TRANK1: variants seen among roughly 807,000 people sequenced by gnomAD.
TRANK1 encodes the protein tetratricopeptide repeat and ankyrin repeat containing 1, also known as TPR and ankyrin repeat-containing protein 1.
Under a neutral mutation model 266.0 loss-of-function variants are expected in TRANK1, and 198 were observed. The observed-to-expected ratio is 0.74, with a 90% CI of 0.66 to 0.84. TRANK1 has a LOEUF of 0.84. TRANK1 is among the 40% of genes least tolerant of loss of function. The pLI is 0.00. For missense variants in TRANK1, 3,326 were observed against 3,634.6 expected (o/e 0.92, Z 2.18); for synonymous variants, 1,396 against 1,384.1 (o/e 1.01, Z -0.19).
In TRANK1 at chr3:36,837,422, C is replaced by T. The variant is rs2078785298; in HGVS notation, c.5517+950G>A. 2.0e-5 allele frequency among the ~76,000 whole-genome samples: 3 copies of T among 152,204 alleles called. No homozygotes were observed. In the South Asian group the frequency reaches 6.2e-4, roughly 32 times the overall value. On this transcript the variant is annotated intron_variant, in intron 20 of 23. Coordinates refer to ENST00000645898, the MANE Select transcript of TRANK1 (RefSeq NM_001329998.2). The stretch of plus-strand genomic sequence containing the variant: ...CAGTAGGTCCCACTCCTACCCCTCT[C>T]AATGCCCAGGGTGCTCTGAGGATCC...
In TRANK1 at chr3:36,832,835, GTTC is replaced by G. The variant is rs1290667844; in HGVS notation, c.6745_6747del (p.Glu2249del). On this transcript the variant is annotated inframe_deletion, in exon 22 of 24. Coordinates refer to ENST00000645898, the MANE Select transcript of TRANK1 (RefSeq NM_001329998.2). ...GACAAAATATAATCAATTTCTTTAA[GTTC>G]TTCTGCTAAGATTTTAGGGAATACT... 7 of 1,613,924 alleles carry G rather than the reference GTTC, an allele frequency of 4.3e-6. No homozygotes were observed. The Admixed American group carries it at 1.0e-4, about 23-fold the overall frequency.
chr3:36,833,648 C>A lies in TRANK1; in HGVS notation c.5935G>T (p.Ala1979Ser), dbSNP rs1179781111. 9.3e-6 allele frequency: 15 copies of A among 1,613,872 alleles called. No homozygotes were observed. In the Admixed American group the frequency reaches 1.8e-4, roughly 20 times the overall value. The change falls in exon 22 of 24, where the codon GCC (alanine) becomes TCC (serine). Residue 1979 changes from alanine (A) to serine (S), a missense_variant. Coordinates refer to ENST00000645898, the MANE Select transcript of TRANK1 (RefSeq NM_001329998.2). ...AAGTCCTTGTCGGCAGTGAGCCTGG[C>A]AGCCTCCAGGAGGCAGCCATGTTGC... The part of the protein sequence containing the change: ...MKQHGCLLEA[A>S]RLTADKDFQA...
rs962324902 is a variant in TRANK1 at position 36,860,945 on chromosome 3, G to T, written c.1456C>A (p.Arg486=). 6.5e-7 allele frequency: 1 copy of T among 1,537,466 alleles called. No homozygotes were observed. The highest frequency in any genetic ancestry group is 8.7e-7 in the Non-Finnish European group (1 of 1,146,964). The part of the protein sequence containing the change: ...IIPHLSTWDQ[R]KKQLLGCLID... ...AGGCAGCCCAGAAGCTGTTTCTTCC[G>T]CTGGTCCCAGGTGCTGAGATGGGGG... Residue 486 remains arginine, a synonymous_variant, in exon 11 of 24, where the codon CGG becomes AGG. Transcript: ENST00000645898.
At chr3:36,940,171 C>T (rs1302625355) in intron 1 of TRANK1, among the ~76,000 whole-genome samples, 1 of 151,778 alleles carries the variant, frequency 6.6e-6, no homozygotes, top group Non-Finnish European at 1.5e-5. Context: ...AGGCATGACC[C>T]ACCGCGCCTG....
At chr3:36,828,723 G>A (rs2078658711) in intron 23 of TRANK1, among the ~76,000 whole-genome samples, 1 of 152,104 alleles carries the variant, frequency 6.6e-6, no homozygotes. Flanking sequence ...CTATTTTAGA[G>A]GCCTTTTAAA....
At chr3:36,883,534 CAAA>C (rs34266450) in intron 8 of TRANK1, among the ~76,000 whole-genome samples, 2 of 134,706 alleles carry the variant, frequency 1.5e-5, no homozygotes, top group African/African-American at 2.7e-5. Context: ...ACTCTTCATG[CAAA>C]AAAAAAAAAG....
At chr3:36,869,005 G>C in intron 9 of TRANK1, among the ~76,000 whole-genome samples, 1 of 152,236 alleles carries the variant, frequency 6.6e-6, no homozygotes, top group East Asian at 1.9e-4. Context: ...CCCAAGGAAA[G>C]AGCTGAGCAG....
intron 8 of TRANK1, among the ~76,000 whole-genome samples, chr3:36,889,502 G>C (rs1428985531): frequency 6.6e-6 from 1 of 152,138 alleles, no homozygotes; most frequent in Non-Finnish European, 1.5e-5. Context: ...CACAGATTTG[G>C]CATAAAATAA....
chr3:36,923,844 C>T (rs1453541389), intron 1 of TRANK1, among the ~76,000 whole-genome samples: 1 of 152,186 alleles, frequency 6.6e-6, no homozygotes, highest in Non-Finnish European at 1.5e-5. Context: ...TTCACTTACT[C>T]TTTTCAGTCT....
intron 1 of TRANK1, among the ~76,000 whole-genome samples, chr3:36,926,072 T>C (rs1268565479): frequency 6.6e-6 from 1 of 152,178 alleles, no homozygotes; most frequent in Non-Finnish European, 1.5e-5. Context: ...TCTTTATATT[T>C]GTCCCAGTAA....
intron 5 of TRANK1, among the ~76,000 whole-genome samples, 165 bp downstream of exon 5, chr3:36,895,475 A>C (rs934507323): frequency 6.6e-6 from 1 of 152,192 alleles, no homozygotes; most frequent in African/African-American, 2.4e-5. Context: ...AAACTGGCTA[A>C]TTAATCTATC....
chr3:36,865,442 A>G (rs1028446282), intron 9 of TRANK1, among the ~76,000 whole-genome samples: 13 of 152,250 alleles, frequency 8.5e-5, no homozygotes, highest in African/African-American at 2.7e-4. Context: ...GCAACATCCA[A>G]CTACATGTCA....
Position 36,856,301 on chromosome 3 carries a change from C to A in TRANK1, c.3421G>T (p.Glu1141Ter). 2 of 1,582,574 alleles carry A rather than the reference C, an allele frequency of 1.3e-6. No homozygotes were observed. The highest frequency in any genetic ancestry group is 1.7e-6 in the Non-Finnish European group (2 of 1,164,172). ...GTTTCCACTTCAATAGAATCTTCCT[C>A]TTCCTCGTCCTCTTCCTCCTCCTCT... ...EEEEEEEDEE[E>*]EDSIEVETVE... The change falls in exon 13 of 24, where the codon GAG (glutamate) becomes TAG (stop). Residue 1141 changes from glutamate to a stop codon, truncating the protein, a stop_gained. Transcript: ENST00000645898. LOFTEE classifies it high-confidence loss of function.
intron 1 of TRANK1, among the ~76,000 whole-genome samples, chr3:36,913,191 G>A (rs565895587): frequency 4.6e-5 from 7 of 151,864 alleles, no homozygotes; most frequent in South Asian, 4.2e-4. Context: ...ACAGGCGTGC[G>A]CCCTGTAATC....
chr3:36,881,048 C>T (rs1247199909), intron 8 of TRANK1, among the ~76,000 whole-genome samples: 2 of 151,898 alleles, frequency 1.3e-5, no homozygotes, highest in African/African-American at 4.8e-5. Context: ...ATTCAAGCCA[C>T]ATCCAATGAA....
chr3:36,857,939 T>A lies in TRANK1; in HGVS notation c.1783A>T (p.Met595Leu). 6.2e-7 allele frequency: 1 copy of A among 1,603,866 alleles called. No homozygotes were observed. Among genetic ancestry groups the A allele is most frequent in the Non-Finnish European group, 8.5e-7 (1 of 1,179,836 alleles). ...NVQDSNGNTLMHILFQKGMLK... is the reference protein window; with the variant it reads ...NVQDSNGNTLLHILFQKGMLK... The stretch of plus-strand genomic sequence containing the variant: ...ATGCCCTTCTGGAAGAGGATGTGCA[T>A]CAGCGTGTTCCCATTGCTGTCCTGG... Residue 595 changes from methionine (M) to leucine (L), a missense_variant, in exon 13 of 24, where the codon ATG (methionine) becomes TTG (leucine). By Grantham distance (15) the Met-to-Leu change is conservative. Coordinates refer to ENST00000645898, the MANE Select transcript of TRANK1 (RefSeq NM_001329998.2). This position sits in a 1 kb window ranked among gnomAD's most constrained non-coding sequence, Gnocchi z 4.3.
At chr3:36,851,608 C>G (rs1186259936) in intron 15 of TRANK1, 111 bp downstream of exon 15, 5 of 1,351,812 alleles carry the variant, frequency 3.7e-6, no homozygotes, top group African/African-American at 3.0e-5. Context: ...AAAACACAAA[C>G]AGGAGCCTGT....
At chr3:36,920,232 C>T (rs998166767) in intron 1 of TRANK1, among the ~76,000 whole-genome samples, 5 of 152,172 alleles carry the variant, frequency 3.3e-5, no homozygotes, top group African/African-American at 1.2e-4. Context: ...AAAGTTGACC[C>T]TTAGTAACAG....
At chr3:36,872,265 G>T (rs942894275) in intron 9 of TRANK1, among the ~76,000 whole-genome samples, 2 of 152,192 alleles carry the variant, frequency 1.3e-5, no homozygotes, top group African/African-American at 4.8e-5. Context: ...GCCGAGTGTG[G>T]TGGTACATGC....
Sources: gnomAD v4.1 joint callset for allele counts (sites outside exome capture counted in the v4.1 genomes callset) on GRCh38, gnomAD v4.1.1 for gene constraint, Gnocchi (gnomAD v3.1) non-coding constraint, MANE v1.5 for transcripts, NCBI Gene and HGNC (gene_info 2026-07-23, HGNC 2026-07-21) for gene names.